PDE1C: variants seen among roughly 807,000 people sequenced by gnomAD.
The protein encoded by PDE1C is dual specificity calcium/calmodulin-dependent 3',5'-cyclic nucleotide phosphodiesterase 1C.
A neutral mutation model predicts 93.1 loss-of-function variants in PDE1C; 62 were observed. That is an observed-to-expected ratio of 0.67 (90% CI 0.54 to 0.82). The LOEUF (loss-of-function observed/expected upper bound fraction) is 0.82, where lower values mean the gene tolerates loss of function less well. Ranked by LOEUF, PDE1C falls within the 40% of genes least tolerant of loss-of-function variation. The pLI is 0.00. For missense variants in PDE1C, 742 were observed against 884.6 expected, an observed-to-expected ratio of 0.84 and a Z score of 2.04; for synonymous variants, 325 against 310.1, an observed-to-expected ratio of 1.05 and a Z score of -0.50.
chr7:32,325,219 C>T (rs1181962288), intron 1 of PDE1C, among the ~76,000 whole-genome samples: 1 of 152,222 alleles, frequency 6.6e-6, no homozygotes, highest in Admixed American at 6.5e-5. Context: ...CTGCAGCCTG[C>T]GTCACCCTGA....
intron 3 of PDE1C, among the ~76,000 whole-genome samples, chr7:32,147,776 G>C (rs1236788616): frequency 6.6e-6 from 1 of 151,732 alleles, no homozygotes; most frequent in Non-Finnish European, 1.5e-5. Context: ...GGTTGAGATA[G>C]TCCTGCAGGA....
intron 1 of PDE1C, among the ~76,000 whole-genome samples, chr7:32,259,937 A>G (rs144356696): frequency 2.8e-4 from 43 of 152,334 alleles, no homozygotes; most frequent in Non-Finnish European, 4.6e-4. Context: ...AACCTGCAGC[A>G]GGTCCTTTCT....
chr7:31,652,114 G>A, the PDE1C span: 2 of 1,147,950 alleles, frequency 1.7e-6, no homozygotes, highest in East Asian at 2.6e-5. Flanking sequence ...TGCATTAAAT[G>A]AGAAACTTGA....
At chr7:32,115,361 T>C (rs56023995) in intron 3 of PDE1C, among the ~76,000 whole-genome samples, 73,892 of 151,784 alleles carry the variant, frequency 0.49, 18,765 homozygotes, top group African/African-American at 0.63. Flanking sequence ...AGCAAACTAA[T>C]ACTGGAACAG....
intron 3 of PDE1C, among the ~76,000 whole-genome samples, chr7:32,133,743 G>C (rs1419977365): frequency 6.6e-6 from 1 of 152,038 alleles, no homozygotes; most frequent in Non-Finnish European, 1.5e-5. Flanking sequence ...GCAATACATT[G>C]TTCATAACGT....
Position 31,875,831 on chromosome 7 carries a change from A to ATATATATATATATATG in PDE1C, c.492+2138_492+2139insCATATATATATATATA, listed in dbSNP as rs761399274. The stretch of plus-strand genomic sequence containing the variant: ...TATATATATATATATATATATATAT[A>ATATATATATATATATG]TATAATGGAAAAAGTAAAATAACAT... On this transcript the variant is annotated intron_variant, in intron 5 of 17. Coordinates refer to ENST00000396191, the MANE Select transcript of PDE1C (RefSeq NM_001191057.4). 4.4e-3 allele frequency among the ~76,000 whole-genome samples: 395 copies of ATATATATATATATATG among 90,036 alleles called. 36 individuals carry two copies. Among genetic ancestry groups the ATATATATATATATATG allele is most frequent in the African/African-American group, 6.9e-3 (168 of 24,374 alleles). 59.1% of individuals were successfully genotyped at this position (90,036 alleles called of 152,430 possible).
chr7:32,088,704 T>A (rs1223039421), intron 3 of PDE1C, among the ~76,000 whole-genome samples: 10 of 152,068 alleles, frequency 6.6e-5, no homozygotes, highest in Admixed American at 1.3e-4. Flanking sequence ...CTCACTCCAG[T>A]GAGCCACTCG....
intron 3 of PDE1C, among the ~76,000 whole-genome samples, chr7:32,104,934 G>A (rs2128751921): frequency 6.6e-6 from 1 of 152,206 alleles, no homozygotes; most frequent in African/African-American, 2.4e-5. Context: ...ACTCAATTTG[G>A]TTTTCCTCTT....
chr7:31,697,163 G>C, the PDE1C span: 2 of 1,597,162 alleles, frequency 1.3e-6, no homozygotes, highest in Non-Finnish European at 8.5e-7. Flanking sequence ...ATGGGGACAG[G>C]TCAAGAACCT....
intron 1 of PDE1C, among the ~76,000 whole-genome samples, chr7:32,398,859 A>G (rs1267486262): frequency 6.6e-6 from 1 of 152,182 alleles, no homozygotes; most frequent in Non-Finnish European, 1.5e-5. Context: ...CATAAAGGTC[A>G]GCCTCCCAGA....
In PDE1C at chr7:31,855,531, C is replaced by T. The variant is rs190654271; in HGVS notation, c.751-4790G>A. Among the ~76,000 whole-genome samples, 1,233 of 151,976 alleles carry T rather than the reference C, an allele frequency of 8.1e-3. 8 individuals are homozygous for T. The highest frequency in any genetic ancestry group is 0.01 in the Non-Finnish European group (690 of 67,976). ...ATGTGACACCAGAGAACAAAGGTTG[C>T]AGGAGCCAAATGTCTACCAATAACA... On this transcript the variant is annotated intron_variant, in intron 7 of 17. Transcript: ENST00000396191.
upstream of PDE1C, among the ~76,000 whole-genome samples, chr7:32,072,506 T>C (rs1288818655): frequency 2.0e-5 from 3 of 152,358 alleles, no homozygotes; most frequent in East Asian, 3.9e-4. Context: ...GAAATTTTTA[T>C]AGTGACGTGT....
chr7:32,391,335 G>A (rs1784744876), intron 1 of PDE1C, among the ~76,000 whole-genome samples: 2 of 151,970 alleles, frequency 1.3e-5, no homozygotes, highest in Non-Finnish European at 2.9e-5. Flanking sequence ...TAACAACAAA[G>A]CCCCAATACA....
At chr7:31,902,995 TA>T (rs1800169511) in intron 2 of PDE1C, among the ~76,000 whole-genome samples, 1 of 151,772 alleles carries the variant, frequency 6.6e-6, no homozygotes, top group Non-Finnish European at 1.5e-5. Flanking sequence ...TGTTTTCTGT[TA>T]CATATCAGAA....
At chr7:32,205,634 G>T (rs538135716) in intron 2 of PDE1C, among the ~76,000 whole-genome samples, 38 of 152,274 alleles carry the variant, frequency 2.5e-4, no homozygotes, top group African/African-American at 7.9e-4. Context: ...GTCTGCTTGT[G>T]CCCTGCAGAA....
chr7:31,628,458 T>C, the PDE1C span, among the ~76,000 whole-genome samples: 1 of 147,430 alleles, frequency 6.8e-6, no homozygotes, highest in Non-Finnish European at 1.5e-5. Flanking sequence ...CTTTTTTTTT[T>C]TTCTTTTTTT....
intron 16 of PDE1C, among the ~76,000 whole-genome samples, chr7:31,779,252 T>C (rs1783224253): frequency 1.3e-5 from 2 of 152,168 alleles, no homozygotes; most frequent in South Asian, 4.1e-4. Context: ...GATACTCTTG[T>C]GAAGTTGAGA....
intron 17 of PDE1C, among the ~76,000 whole-genome samples, chr7:31,769,916 C>A (rs1028530372): frequency 2.4e-4 from 37 of 152,154 alleles, no homozygotes; most frequent in African/African-American, 6.8e-4. Context: ...TAGGTTCATC[C>A]ATGTTGTAAA....
intron 3 of PDE1C, among the ~76,000 whole-genome samples, chr7:32,139,278 A>G (rs1800381500): frequency 6.7e-6 from 1 of 149,856 alleles, no homozygotes; most frequent in African/African-American, 2.4e-5. Flanking sequence ...TAGGACTACA[A>G]GCAGGCAACA....
Sources: gnomAD v4.1 joint callset for allele counts (sites outside exome capture counted in the v4.1 genomes callset) on GRCh38, gnomAD v4.1.1 for gene constraint, MANE v1.5 for transcripts, NCBI Gene and HGNC (gene_info 2026-07-23, HGNC 2026-07-21) for gene names.